Variants in SLC4A4 observed in about 807,000 individuals in gnomAD.
The protein encoded by SLC4A4 is solute carrier family 4 member 4.
Under a neutral mutation model 111.5 loss-of-function variants are expected in SLC4A4, and 27 were observed. The observed-to-expected ratio is 0.24, with a 90% CI of 0.18 to 0.33. The LOEUF (loss-of-function observed/expected upper bound fraction) is 0.33. Among genes scored for constraint, SLC4A4 ranks in the 10% least tolerant of loss-of-function variants. The pLI is 1.00. For synonymous variants in SLC4A4, 443 were observed against 463.4 expected (o/e 0.96, Z 0.57); for missense variants, 909 against 1,315.5 (o/e 0.69, Z 4.78).
At chr4:71,489,414 A>C (rs1323043333) in intron 15 of SLC4A4, among the ~76,000 whole-genome samples, 1 of 151,584 alleles carries the variant, frequency 6.6e-6, no homozygotes, top group Non-Finnish European at 1.5e-5. Context: ...TAAGCTGTGG[A>C]ACCTTCTTAG....
At chr4:71,296,361 A>C (rs565496445) in intron 3 of SLC4A4, among the ~76,000 whole-genome samples, 1 of 152,314 alleles carries the variant, frequency 6.6e-6, no homozygotes, top group South Asian at 2.1e-4. Flanking sequence ...TGTGTTTTGC[A>C]ATAGATAAAT....
chr4:71,431,272 G>C (rs1284253636), intron 7 of SLC4A4, among the ~76,000 whole-genome samples: 1 of 152,136 alleles, frequency 6.6e-6, no homozygotes, highest in African/African-American at 2.4e-5. Context: ...AGAAGAGTAA[G>C]AAGTATCTGT....
At chr4:71,063,161 A>C (rs1478915820) in intron 1 of SLC4A4, among the ~76,000 whole-genome samples, 1 of 152,214 alleles carries the variant, frequency 6.6e-6, no homozygotes, top group Admixed American at 6.5e-5. Flanking sequence ...TAATAGAGAA[A>C]TGGAATTTTC....
rs1381612916 is a variant in SLC4A4 at position 71,070,020 on chromosome 4, TACA to T, written c.-65+7233_-65+7235del. On this transcript the variant is annotated intron_variant, in intron 1 of 26. Transcript: ENST00000649996. ...TCATAAGTCTGTCTTTGGATTAGGC[TACA>T]GGTCAAAGAATCAGAAGATTTTCTC... is the stretch of plus-strand genomic sequence containing the variant. Among the ~76,000 whole-genome samples the T allele has an allele frequency of 2.3e-3, 357 of 152,338 alleles. 3 individuals are homozygous for T. Among genetic ancestry groups the T allele is most frequent in the African/African-American group, 8.3e-3 (345 of 41,582 alleles).
intron 2 of SLC4A4, among the ~76,000 whole-genome samples, chr4:71,136,609 G>T (rs1743851616): frequency 6.6e-6 from 1 of 152,162 alleles, no homozygotes; most frequent in African/African-American, 2.4e-5. Context: ...TAAGGGTTCT[G>T]CTGTCAGACG....
At chr4:71,541,275 A>T (rs898293451) in intron 18 of SLC4A4, among the ~76,000 whole-genome samples, 3 of 152,168 alleles carry the variant, frequency 2.0e-5, no homozygotes, top group African/African-American at 7.2e-5. Context: ...TTTAAAAAAG[A>T]TTCATTCGTG....
chr4:71,224,063 C>T (rs1385596615), intron 1 of SLC4A4, among the ~76,000 whole-genome samples: 1 of 152,140 alleles, frequency 6.6e-6, no homozygotes, highest in African/African-American at 2.4e-5. Flanking sequence ...CTTAGGAATG[C>T]GGGCTCTCAC....
chr4:71,566,950 T>C, intron 24 of SLC4A4, 54 bp from the exon 25 acceptor site: 1 of 1,465,570 alleles, frequency 6.8e-7, no homozygotes, highest in African/African-American at 1.4e-5. Flanking sequence ...GATTTTTGTT[T>C]TATACTTCAC....
intron 2 of SLC4A4, among the ~76,000 whole-genome samples, chr4:71,107,450 G>A (rs1271177790): frequency 6.6e-6 from 1 of 151,902 alleles, no homozygotes; most frequent in African/African-American, 2.4e-5. Context: ...AGGTTCAAGG[G>A]ATTCTCCTGC....
intron 1 of SLC4A4, among the ~76,000 whole-genome samples, chr4:71,089,656 G>C (rs988372849): frequency 2.0e-5 from 3 of 151,930 alleles, no homozygotes; most frequent in Non-Finnish European, 2.9e-5. Context: ...GTTTGCTGGA[G>C]GTCCAATACA....
intron 6 of SLC4A4, among the ~76,000 whole-genome samples, chr4:71,365,764 T>G (rs1204108954): frequency 1.3e-5 from 2 of 152,180 alleles, no homozygotes; most frequent in African/African-American, 4.8e-5. Flanking sequence ...ATTAACTATA[T>G]TAGTAGTAGA....
intron 3 of SLC4A4, among the ~76,000 whole-genome samples, chr4:71,294,480 TA>T (rs1724619828): frequency 6.6e-6 from 1 of 152,244 alleles, no homozygotes; most frequent in Non-Finnish European, 1.5e-5. Context: ...TGAAAGAGAT[TA>T]AACATGTTTG....
At position 71,363,451 on chromosome 4, in the gene SLC4A4, TCCAGCTTGC is replaced by T. The variant is rs140553149; in HGVS notation, c.730+6268_730+6276del. On this transcript the variant is annotated intron_variant, in intron 6 of 25. Transcript: ENST00000264485. ...TTCACTTTTTGCCTGCACTTTGGAT[TCCAGCTTGC>T]CCATTTGTCTCAGGCTGGGTTGTTC... 7.9e-3 allele frequency among the ~76,000 whole-genome samples: 1,202 copies of T among 152,296 alleles called. 17 individuals are homozygous for T. Among genetic ancestry groups the T allele is most frequent in the African/African-American group, 0.026 (1,064 of 41,552 alleles).
At chr4:71,069,696 T>C (rs1032223627) in intron 1 of SLC4A4, among the ~76,000 whole-genome samples, 4 of 152,204 alleles carry the variant, frequency 2.6e-5, no homozygotes, top group African/African-American at 9.6e-5. Flanking sequence ...CCTTATTTTA[T>C]ATACTACCAA....
At chr4:71,370,734 T>C (rs1731793019) in intron 6 of SLC4A4, among the ~76,000 whole-genome samples, 1 of 152,216 alleles carries the variant, frequency 6.6e-6, no homozygotes, top group Admixed American at 6.5e-5. Context: ...GCTCAAGAAA[T>C]TCTAGCTGTT....
chr4:71,083,005 C>T (rs1742035927), intron 1 of SLC4A4, among the ~76,000 whole-genome samples: 1 of 151,900 alleles, frequency 6.6e-6, no homozygotes, highest in African/African-American at 2.4e-5. Flanking sequence ...AGGCGCATGC[C>T]ACCATGCCCA....
At chr4:71,342,849 G>T (rs985792675) in intron 4 of SLC4A4, among the ~76,000 whole-genome samples, 1 of 152,150 alleles carries the variant, frequency 6.6e-6, no homozygotes, top group South Asian at 2.1e-4. Flanking sequence ...CCTTAGAGAC[G>T]TTATTTCCTT....
intron 6 of SLC4A4, among the ~76,000 whole-genome samples, chr4:71,385,527 T>C (rs1465289935): frequency 6.6e-6 from 1 of 152,140 alleles, no homozygotes. Flanking sequence ...CTCTTATCTA[T>C]AAATTTTGTG....
At chr4:71,451,879 T>C (rs1725793465) in intron 11 of SLC4A4, among the ~76,000 whole-genome samples, 1 of 152,208 alleles carries the variant, frequency 6.6e-6, no homozygotes, top group Non-Finnish European at 1.5e-5. Context: ...CCTGTATGTG[T>C]ATTCAACAGT....
Sources: gnomAD v4.1 joint callset for allele counts (sites outside exome capture counted in the v4.1 genomes callset) on GRCh38, gnomAD v4.1.1 for gene constraint, MANE v1.5 for transcripts, NCBI Gene and HGNC (gene_info 2026-07-23, HGNC 2026-07-21) for gene names.